Variants in UBE2H observed in about 807,000 individuals in gnomAD.
The protein encoded by UBE2H is ubiquitin conjugating enzyme E2 H, also known as ubiquitin-conjugating enzyme E2 H.
UBE2H carries 3 observed loss-of-function variants against 29.0 expected under a neutral mutation model. The ratio of observed to expected loss-of-function variants is 0.10; its 90% CI spans 0.05 to 0.27. The LOEUF (loss-of-function observed/expected upper bound fraction) is 0.27. Among genes scored for constraint, UBE2H ranks in the 10% least tolerant of loss-of-function variants. UBE2H has a pLI of 1.00. For synonymous variants in UBE2H, 69 were observed against 82.9 expected, an observed-to-expected ratio of 0.83 and a Z score of 0.91; for missense variants, 68 against 228.2, an observed-to-expected ratio of 0.30 and a Z score of 4.52.
At chr7:129,888,419 A>C (rs1030462548) in intron 1 of UBE2H, among the ~76,000 whole-genome samples, 3 of 152,054 alleles carry the variant, frequency 2.0e-5, no homozygotes, top group Admixed American at 2.0e-4. Context: ...CAGGAGGCTG[A>C]GGTGGGAGGA....
chr7:129,945,944 T>C (rs34297290), intron 1 of UBE2H, among the ~76,000 whole-genome samples: 51,911 of 151,486 alleles, frequency 0.34, 8,874 homozygotes, highest in Admixed American at 0.39. Context: ...TGGGGTTTCT[T>C]CACGTTAGTC....
intron 1 of UBE2H, among the ~76,000 whole-genome samples, chr7:129,931,836 CTTTT>C (rs372552075): frequency 5.3e-5 from 7 of 131,296 alleles, no homozygotes; most frequent in East Asian, 4.4e-4. Flanking sequence ...TTCTACTTTG[CTTTT>C]TTTTTTTTTT....
rs566973841 is a variant in UBE2H at position 129,931,969 on chromosome 7, G to A, written c.53+20534C>T. ...CTCCCCAGTAACAGGGATTACAAGC[G>A]CCCGCCACCACACCCAGCTAATTTT... is the stretch of plus-strand genomic sequence containing the variant. On this transcript the variant is annotated intron_variant, in intron 1 of 6. Coordinates refer to ENST00000355621, the MANE Select transcript of UBE2H (RefSeq NM_003344.4). Among the ~76,000 whole-genome samples, 43 of 151,420 alleles carry A rather than the reference G, an allele frequency of 2.8e-4. 1 individual carries two copies. Among genetic ancestry groups the A allele is most frequent in the African/African-American group, 8.5e-4 (35 of 41,256 alleles).
intron 1 of UBE2H, among the ~76,000 whole-genome samples, chr7:129,900,332 C>G (rs1030709350): frequency 6.6e-6 from 1 of 152,098 alleles, no homozygotes. Context: ...TAATGTAACA[C>G]ATATGTTACT....
intron 1 of UBE2H, among the ~76,000 whole-genome samples, chr7:129,907,699 A>G (rs376301662): frequency 1.3e-5 from 2 of 152,114 alleles, no homozygotes; most frequent in East Asian, 3.8e-4. Context: ...ATGGAATATC[A>G]TCATTGTGAC....
chr7:129,859,522 T>C (rs897208971), intron 3 of UBE2H, among the ~76,000 whole-genome samples: 2 of 152,214 alleles, frequency 1.3e-5, no homozygotes, highest in Non-Finnish European at 2.9e-5. Flanking sequence ...CAGTTTTGAT[T>C]AAAATTGGGG....
chr7:129,920,582 C>T (rs1807137549), intron 1 of UBE2H, among the ~76,000 whole-genome samples: 6 of 151,792 alleles, frequency 4.0e-5, no homozygotes, highest in Admixed American at 3.9e-4. Context: ...CAAAATACTA[C>T]ATACATACAT....
At chr7:129,873,020 GTTTTTT>G (rs10677960) in intron 3 of UBE2H, among the ~76,000 whole-genome samples, 1 of 139,714 alleles carries the variant, frequency 7.2e-6, no homozygotes, top group Non-Finnish European at 1.6e-5. Context: ...ATAGCTCAGA[GTTTTTT>G]TTTTTTTTTT....
intron 1 of UBE2H, among the ~76,000 whole-genome samples, chr7:129,898,772 C>A (rs1043794107): frequency 3.3e-5 from 5 of 150,936 alleles, no homozygotes; most frequent in Non-Finnish European, 4.4e-5. Flanking sequence ...ACCCTCAATA[C>A]AACCAAATAA....
At chr7:129,922,904 T>C (rs78816533) in intron 1 of UBE2H, among the ~76,000 whole-genome samples, 9,371 of 151,964 alleles carry the variant, frequency 0.062, 362 homozygotes, top group Non-Finnish European at 0.091. Flanking sequence ...AGATTTTTCT[T>C]TTTTTTCTTT....
At chr7:129,851,687 T>C (rs976734389) in intron 5 of UBE2H, among the ~76,000 whole-genome samples, 1 of 152,234 alleles carries the variant, frequency 6.6e-6, no homozygotes, top group Non-Finnish European at 1.5e-5. Flanking sequence ...GGCTGGCTCA[T>C]GTCCCACGAT....
intron 5 of UBE2H, among the ~76,000 whole-genome samples, chr7:129,850,358 A>G (rs1019953313): frequency 7.5e-6 from 1 of 133,202 alleles, no homozygotes; most frequent in Admixed American, 7.3e-5. Context: ...ACCTTGTCTC[A>G]AAAAAAAAGA....
chr7:129,893,925 G>A (rs750945326), intron 1 of UBE2H, among the ~76,000 whole-genome samples: 7 of 152,208 alleles, frequency 4.6e-5, no homozygotes, highest in Non-Finnish European at 1.0e-4. Context: ...TTGGGAGGCC[G>A]AGGCAGGTGG....
At chr7:129,882,373 A>G (rs1208956861) in intron 1 of UBE2H, among the ~76,000 whole-genome samples, 1 of 152,228 alleles carries the variant, frequency 6.6e-6, no homozygotes, top group Non-Finnish European at 1.5e-5. Flanking sequence ...TTAATACAAA[A>G]CAGAAACATT....
intron 1 of UBE2H, among the ~76,000 whole-genome samples, chr7:129,913,420 C>T (rs913901284): frequency 6.6e-6 from 1 of 152,094 alleles, no homozygotes; most frequent in South Asian, 2.1e-4. Context: ...AAAGCATTCA[C>T]CTTGACCTGT....
Position 129,864,556 on chromosome 7 carries a change from C to CTTTTTTTT in UBE2H, c.206-5623_206-5616dup, listed in dbSNP as rs367930226. On this transcript the variant is annotated intron_variant, in intron 3 of 6. Transcript: ENST00000355621. ...CAGGCATTTTCTTTTTCTTTTCTTT[C>CTTTTTTTT]TTTTTTTTTTTTTTTGAGACAGAAT... is the stretch of plus-strand genomic sequence containing the variant. Among the ~76,000 whole-genome samples, 112 of 130,922 alleles carry CTTTTTTTT rather than the reference C, an allele frequency of 8.6e-4. 4 individuals are homozygous for CTTTTTTTT. The highest frequency in any genetic ancestry group is 1.2e-3 in the Non-Finnish European group (79 of 63,944). The allele number at this position is 130,922 out of a possible 152,430, so 85.9% of individuals were successfully genotyped here.
intron 1 of UBE2H, among the ~76,000 whole-genome samples, chr7:129,934,899 A>G (rs1167894406): frequency 6.7e-6 from 1 of 150,238 alleles, no homozygotes; most frequent in Non-Finnish European, 1.5e-5. Context: ...TTTCTACAAA[A>G]AGTATATATA....
At chr7:129,881,001 G>C in intron 1 of UBE2H, 30 bp from the exon 2 acceptor site, 1 of 1,592,386 alleles carries the variant, frequency 6.3e-7, no homozygotes, top group Non-Finnish European at 8.6e-7. Flanking sequence ...AAATTACACA[G>C]GCTTTACAGT....
At chr7:129,951,717 CAG>C (rs1014899969) in intron 1 of UBE2H, among the ~76,000 whole-genome samples, 5 of 152,174 alleles carry the variant, frequency 3.3e-5, no homozygotes, top group Non-Finnish European at 7.3e-5. Context: ...CTGACCCTCA[CAG>C]AGGAAGTTTT....
Sources: allele counts gnomAD v4.1 joint callset (sites outside exome capture counted in the v4.1 genomes callset), GRCh38; gene constraint gnomAD v4.1.1; transcripts MANE v1.5; gene names NCBI Gene and HGNC (gene_info 2026-07-23, HGNC 2026-07-21).